CENPE: variants seen among roughly 807,000 people sequenced by gnomAD.
The protein encoded by CENPE is centromere protein E, also known as centromere-associated protein E.
Under a neutral mutation model 336.1 loss-of-function variants are expected in CENPE, and 145 were observed. That is an observed-to-expected ratio of 0.43 (90% CI 0.38 to 0.50). The LOEUF (loss-of-function observed/expected upper bound fraction) is 0.50. CENPE is among the 20% of genes least tolerant of loss of function. The probability of loss-of-function intolerance (pLI) is 0.00; values close to 1 mark genes in which losing one functional copy is unlikely to be tolerated. For synonymous variants in CENPE, 1,013 were observed against 984.8 expected, an observed-to-expected ratio of 1.03 and a Z score of -0.54; for missense variants, 2,719 against 3,023.3, an observed-to-expected ratio of 0.90 and a Z score of 2.36.
intron 34 of CENPE, 139 bp downstream of exon 34, chr4:103,143,109 G>T: frequency 6.4e-6 from 3 of 465,442 alleles, no homozygotes; most frequent in Non-Finnish European, 7.5e-6. Flanking sequence ...GATATAAAAA[G>T]ATCAATGATA....
intron 28 of CENPE, among the ~76,000 whole-genome samples, chr4:103,148,361 T>C (rs1753241537): frequency 6.6e-6 from 1 of 152,214 alleles, no homozygotes; most frequent in Non-Finnish European, 1.5e-5. Context: ...TATAGATTGA[T>C]TTCTCTTTCC....
At chr4:103,120,075 A>G in intron 44 of CENPE, 73 bp downstream of exon 44, 3 of 1,089,052 alleles carry the variant, frequency 2.8e-6, no homozygotes, top group Non-Finnish European at 3.9e-6. Flanking sequence ...AATAGAGCAC[A>G]AGGAGATTTG....
intron 8 of CENPE, among the ~76,000 whole-genome samples, chr4:103,192,253 CATA>C (rs758346388): frequency 2.0e-5 from 3 of 151,856 alleles, no homozygotes; most frequent in African/African-American, 4.8e-5. Context: ...GACACAGATA[CATA>C]ATAAAAGGGC....
At chr4:103,159,365 T>C (rs1754238737) in intron 21 of CENPE, 41 bp from the exon 22 acceptor site, 1 of 1,149,388 alleles carries the variant, frequency 8.7e-7, no homozygotes, top group South Asian at 2.2e-5. Context: ...TAGCAACATA[T>C]GATTCACTGA....
Position 103,148,994 on chromosome 4 carries a change from T to C in CENPE, c.3693A>G (p.Leu1231=), listed in dbSNP as rs1240435425. ...CAATTTTTAGTTCTTCTTTGGTTTG[T>C]AGGCCCTTGGCGAGTGAAATTTAAA... ...GYIREIEATG[L]QTKEELKIAH... The change falls in exon 28 of 49, where the codon CTA becomes CTG. Residue 1231 remains leucine (L), a synonymous_variant. Coordinates refer to ENST00000265148, the MANE Select transcript of CENPE (RefSeq NM_001813.3). The C allele has an allele frequency of 5.6e-6, 9 of 1,612,814 alleles. No individual in the cohort carries two copies. The highest frequency in any genetic ancestry group is 5.3e-5 in the African/African-American group (4 of 74,886).
chr4:103,135,574 A>C (rs760344267), intron 40 of CENPE, among the ~76,000 whole-genome samples: 3 of 148,776 alleles, frequency 2.0e-5, no homozygotes, highest in Non-Finnish European at 4.4e-5. Context: ...AACCCTCCCT[A>C]GTAGTACAGT....
chr4:103,160,897 C>G, intron 20 of CENPE, 118 bp from the exon 21 acceptor site: 1 of 1,014,744 alleles, frequency 9.9e-7, no homozygotes, highest in Non-Finnish European at 1.4e-6. Flanking sequence ...AAAAATAATC[C>G]CTTATGATTT....
At chr4:103,113,521 A>ATTATATATAATATATAAC (rs1372196470) in intron 46 of CENPE, among the ~76,000 whole-genome samples, 1 of 140,146 alleles carries the variant, frequency 7.1e-6, no homozygotes, top group African/African-American at 2.7e-5. Flanking sequence ...TATAATATAT[A>ATTATATATAATATATAAC]TTATATATAA....
intron 8 of CENPE, among the ~76,000 whole-genome samples, chr4:103,193,740 T>C (rs536745643): frequency 2.6e-5 from 4 of 152,118 alleles, no homozygotes; most frequent in African/African-American, 7.2e-5. Flanking sequence ...GGATTTACAG[T>C]CTAAAGTACT....
intron 43 of CENPE, among the ~76,000 whole-genome samples, chr4:103,120,943 C>T (rs1040960539): frequency 2.0e-5 from 3 of 152,084 alleles, no homozygotes; most frequent in African/African-American, 7.2e-5. Flanking sequence ...ACCACGTTGG[C>T]CAGGCTGGTA....
rs983091636 is a variant in CENPE at position 103,106,134 on chromosome 4, T to A, written c.*88A>T. The A allele has an allele frequency of 1.5e-5, 12 of 799,640 alleles. No individual in the cohort carries two copies. In the African/African-American group the frequency reaches 1.7e-4, roughly 12 times the overall value. The allele number at this position is 799,640 out of a possible 1,614,324, so 49.5% of individuals were successfully genotyped here. ...AGACTGAATTGAAATTAAGCTGCAC[T>A]ACAACATCATTACCAGGGATAGACA... is the stretch of plus-strand genomic sequence containing the variant. On this transcript the variant is annotated 3_prime_UTR_variant, in exon 49 of 49. Transcript: ENST00000265148.
chr4:103,176,855 T>TTATAA, intron 14 of CENPE, 44 bp downstream of exon 14: 1 of 1,440,816 alleles, frequency 6.9e-7, no homozygotes, highest in South Asian at 1.3e-5. Context: ...TTTATAAGGA[T>TTATAA]GCTTTTATAA....
At chr4:103,152,639 G>T (rs1753652444) in intron 25 of CENPE, among the ~76,000 whole-genome samples, 2 of 152,088 alleles carry the variant, frequency 1.3e-5, no homozygotes, top group African/African-American at 4.8e-5. Context: ...ATAGGAAAAA[G>T]AATAAAAAAA....
intron 42 of CENPE, among the ~76,000 whole-genome samples, chr4:103,129,468 G>A (rs1037137014): frequency 3.9e-5 from 6 of 152,170 alleles, no homozygotes; most frequent in Admixed American, 3.9e-4. Flanking sequence ...GCTGGGTGCG[G>A]TGGTTCACGC....
chr4:103,145,275 C>T lies in CENPE; in HGVS notation c.4632G>A (p.Gln1544=). The stretch of plus-strand genomic sequence containing the variant: ...ATTGTTTCAGTTCATTCACTTTTTC[C>T]TGAACCTCACTAATTTGTTTTATAT... ...QFNIKQISEV[Q]EKVNELKQFK... The change falls in exon 32 of 49, where the codon CAG becomes CAA. Residue 1544 remains glutamine, a synonymous_variant. Coordinates refer to ENST00000265148, the MANE Select transcript of CENPE (RefSeq NM_001813.3). 2 of 1,606,924 alleles carry T rather than the reference C, an allele frequency of 1.2e-6. No individual in the cohort carries two copies. The highest frequency in any genetic ancestry group is 1.7e-6 in the Non-Finnish European group (2 of 1,174,342).
chr4:103,176,786 G>T, intron 14 of CENPE, 113 bp downstream of exon 14: 8 of 733,958 alleles, frequency 1.1e-5, no homozygotes, highest in African/African-American at 1.8e-5. Flanking sequence ...AATCACATAT[G>T]AAATACACAG....
At chr4:103,164,506 G>T (rs959643675) in intron 16 of CENPE, among the ~76,000 whole-genome samples, 5 of 151,924 alleles carry the variant, frequency 3.3e-5, no homozygotes, top group African/African-American at 1.2e-4. Flanking sequence ...CTATCCAAGA[G>T]AAACATAATG....
intron 15 of CENPE, among the ~76,000 whole-genome samples, chr4:103,175,300 T>C (rs1755762784): frequency 6.6e-6 from 1 of 151,930 alleles, no homozygotes; most frequent in African/African-American, 2.4e-5. Flanking sequence ...AGAGGCCTAT[T>C]TCTATTTTCT....
chr4:103,110,822 T>C lies in CENPE; in HGVS notation c.7724+6A>G, dbSNP rs1332500064. On this transcript the variant is annotated splice_donor_region_variant and intron_variant, in intron 47 of 48. Transcript: ENST00000265148. ...ATAATATCCGTATCATGTAAGCAGA[T>C]CTTACCTTAACAATTCATTCTTTTG... is the stretch of plus-strand genomic sequence containing the variant. 1.3e-6 allele frequency: 2 copies of C among 1,584,406 alleles called. No homozygotes were observed. The highest frequency in any genetic ancestry group is 1.7e-6 in the Non-Finnish European group (2 of 1,165,224).
Sources: gnomAD v4.1 joint callset for allele counts (sites outside exome capture counted in the v4.1 genomes callset) on GRCh38, gnomAD v4.1.1 for gene constraint, MANE v1.5 for transcripts, NCBI Gene and HGNC (gene_info 2026-07-23, HGNC 2026-07-21) for gene names.